RALA: variants seen among roughly 807,000 people sequenced by gnomAD.
RALA encodes ras-related protein Ral-A.
RALA carries 5 observed loss-of-function variants against 24.0 expected under a neutral mutation model. The observed-to-expected ratio is 0.21, with a 90% CI of 0.11 to 0.44. The LOEUF is 0.44. Among genes scored for constraint, RALA ranks in the 20% least tolerant of loss-of-function variants. The pLI, the probability that RALA is intolerant of heterozygous loss-of-function variation, is 0.99. For missense variants in RALA, 95 were observed against 241.2 expected, an observed-to-expected ratio of 0.39 and a Z score of 4.01; for synonymous variants, 77 against 83.8, an observed-to-expected ratio of 0.92 and a Z score of 0.44.
At chr7:39,696,585 G>A in intron 3 of RALA, 100 bp from the exon 4 acceptor site, 1 of 896,694 alleles carries the variant, frequency 1.1e-6, no homozygotes. Context: ...TACCACAGTA[G>A]TAGATGTTAA....
At chr7:39,693,569 A>T (rs1159010880) in intron 3 of RALA, among the ~76,000 whole-genome samples, 1 of 152,232 alleles carries the variant, frequency 6.6e-6, no homozygotes, top group African/African-American at 2.4e-5. Flanking sequence ...AAGTATAATT[A>T]AAAAAAGAAA....
chr7:39,643,575 G>A (rs975159786), intron 1 of RALA, among the ~76,000 whole-genome samples: 2 of 152,170 alleles, frequency 1.3e-5, no homozygotes, highest in Non-Finnish European at 1.5e-5. Flanking sequence ...ACAAAAATTA[G>A]CCAGGCGTGG....
intron 1 of RALA, among the ~76,000 whole-genome samples, chr7:39,668,836 C>T (rs1792331014): frequency 6.6e-6 from 1 of 150,492 alleles, no homozygotes; most frequent in Admixed American, 6.6e-5. Flanking sequence ...TAAAGTAAGG[C>T]CAGGCGCAGT....
At chr7:39,654,025 G>A (rs1306646806) in intron 1 of RALA, among the ~76,000 whole-genome samples, 1 of 152,166 alleles carries the variant, frequency 6.6e-6, no homozygotes, top group Non-Finnish European at 1.5e-5. Flanking sequence ...CAGAATACTA[G>A]GGAACAATGA....
At chr7:39,690,015 A>T (rs927175733) in intron 2 of RALA, among the ~76,000 whole-genome samples, 1 of 152,192 alleles carries the variant, frequency 6.6e-6, no homozygotes, top group Non-Finnish European at 1.5e-5. Context: ...ATTGACCTTT[A>T]AGTTATTTCC....
intron 1 of RALA, among the ~76,000 whole-genome samples, chr7:39,633,949 G>A (rs1791642753): frequency 1.3e-5 from 2 of 152,262 alleles, no homozygotes; most frequent in South Asian, 2.1e-4. Flanking sequence ...TTCAAGTAGC[G>A]TATTTTCTGT....
At chr7:39,691,411 C>T (rs1309620054) in intron 3 of RALA, among the ~76,000 whole-genome samples, 1 of 152,148 alleles carries the variant, frequency 6.6e-6, no homozygotes, top group African/African-American at 2.4e-5. Context: ...TCAAGATTCA[C>T]ACAGCCTAGA....
At chr7:39,645,874 T>C (rs1297257976) in intron 1 of RALA, among the ~76,000 whole-genome samples, 3 of 151,678 alleles carry the variant, frequency 2.0e-5, no homozygotes, top group Non-Finnish European at 4.4e-5. Flanking sequence ...TCCTAAGGGG[T>C]GAAGAGGGGA....
At chr7:39,641,289 T>G (rs941325058) in intron 1 of RALA, among the ~76,000 whole-genome samples, 3 of 152,230 alleles carry the variant, frequency 2.0e-5, no homozygotes, top group African/African-American at 7.2e-5. Context: ...ATTTATTTTC[T>G]GATTAATTTT....
chr7:39,672,235 C>T (rs550433542), intron 1 of RALA, among the ~76,000 whole-genome samples: 2 of 152,022 alleles, frequency 1.3e-5, no homozygotes, highest in Non-Finnish European at 2.9e-5. Context: ...AAAGACAAAA[C>T]AAAAGTTTTT....
chr7:39,706,735 T>TG lies in RALA; in HGVS notation c.*491dup, dbSNP rs1793126709. ...GAAGAAAAGTTATTGGCATGGTTGT[T>TG]GCATATAGTTAAACTGAGAGTAATT... is the stretch of plus-strand genomic sequence containing the variant. On this transcript the variant is annotated 3_prime_UTR_variant, in exon 5 of 5. Coordinates refer to ENST00000005257, the MANE Select transcript of RALA (RefSeq NM_005402.4). 6.5e-6 allele frequency: 1 copy of TG among 152,764 alleles called. No homozygotes were observed. Among genetic ancestry groups the TG allele is most frequent in the Non-Finnish European group, 1.5e-5 (1 of 68,278 alleles). The allele number at this position is 152,764 out of a possible 1,614,324, so 9.5% of individuals were successfully genotyped here.
At chr7:39,637,207 C>G (rs1791696969) in intron 1 of RALA, among the ~76,000 whole-genome samples, 1 of 152,130 alleles carries the variant, frequency 6.6e-6, no homozygotes, top group Non-Finnish European at 1.5e-5. Flanking sequence ...CCAGTTATAG[C>G]CAAAGTAACC....
intron 1 of RALA, among the ~76,000 whole-genome samples, chr7:39,640,877 A>G (rs1218360135): frequency 1.3e-5 from 2 of 152,154 alleles, no homozygotes; most frequent in Non-Finnish European, 2.9e-5. Flanking sequence ...GTTCAGCAAA[A>G]CAGAATTTTG....
Position 39,668,842 on chromosome 7 carries a change from G to A in RALA, c.-37-17789G>A, listed in dbSNP as rs183452936. Among the ~76,000 whole-genome samples, 12 of 150,926 alleles carry A rather than the reference G, an allele frequency of 8.0e-5. No individual in the cohort carries two copies. The South Asian group carries it at 1.5e-3, about 19-fold the overall frequency. On this transcript the variant is annotated intron_variant, in intron 1 of 4. Transcript: ENST00000005257. ...AAGAAAAGATAAAGTAAGGCCAGGC[G>A]CAGTGGCTCACGCCTGTAATTCTAG...
chr7:39,678,124 C>T (rs1350124287), intron 1 of RALA, among the ~76,000 whole-genome samples: 1 of 149,768 alleles, frequency 6.7e-6, no homozygotes, highest in Non-Finnish European at 1.5e-5. Context: ...AGCGCACCAG[C>T]ATGGCACATG....
At chr7:39,640,650 T>G (rs985143179) in intron 1 of RALA, among the ~76,000 whole-genome samples, 1 of 152,236 alleles carries the variant, frequency 6.6e-6, no homozygotes, top group African/African-American at 2.4e-5. Flanking sequence ...CCCATGAGAC[T>G]TTCTTGGAGG....
At chr7:39,650,868 G>T (rs749967577) in intron 1 of RALA, among the ~76,000 whole-genome samples, 1 of 152,170 alleles carries the variant, frequency 6.6e-6, no homozygotes, top group Non-Finnish European at 1.5e-5. Flanking sequence ...AGTCGGCTTC[G>T]TATCTTATTC....
intron 1 of RALA, among the ~76,000 whole-genome samples, chr7:39,635,338 A>G (rs78244088): frequency 6.6e-6 from 1 of 152,124 alleles, no homozygotes; most frequent in African/African-American, 2.4e-5. Context: ...TCGTGCCACT[A>G]CACTCCAGCC....
At chr7:39,673,166 C>T (rs147013723) in intron 1 of RALA, among the ~76,000 whole-genome samples, 9,411 of 151,846 alleles carry the variant, frequency 0.062, 383 homozygotes, top group Non-Finnish European at 0.087. Flanking sequence ...CCAGCCTGGG[C>T]GACAGAGCGA....
Sources: allele counts gnomAD v4.1 joint callset (sites outside exome capture counted in the v4.1 genomes callset), GRCh38; gene constraint gnomAD v4.1.1; transcripts MANE v1.5; gene names NCBI Gene and HGNC (gene_info 2026-07-23, HGNC 2026-07-21).